The following PRKAG2 variants were observed in gnomAD, a reference collection of about 807,000 sequenced individuals.
PRKAG2 encodes 5'-AMP-activated protein kinase subunit gamma-2.
A neutral mutation model predicts 69.6 loss-of-function variants in PRKAG2; 26 were observed. The observed-to-expected ratio is 0.37, with a 90% CI of 0.27 to 0.52. PRKAG2 has a LOEUF of 0.52. Among genes scored for constraint, PRKAG2 ranks in the 20% least tolerant of loss-of-function variants. The pLI is 0.90. For missense variants in PRKAG2, 557 were observed against 740.0 expected, an observed-to-expected ratio of 0.75 and a Z score of 2.87; for synonymous variants, 293 against 285.0, an observed-to-expected ratio of 1.03 and a Z score of -0.28.
chr7:151,866,795 C>G (rs1043546751), intron 1 of PRKAG2, among the ~76,000 whole-genome samples: 1 of 152,096 alleles, frequency 6.6e-6, no homozygotes, highest in African/African-American at 2.4e-5. Context: ...CTGTGTGGAG[C>G]CTGCCTGCCT....
At chr7:151,853,560 C>T (rs2079631005) in intron 1 of PRKAG2, among the ~76,000 whole-genome samples, 1 of 151,968 alleles carries the variant, frequency 6.6e-6, no homozygotes, top group Admixed American at 6.6e-5. Flanking sequence ...AGATTGAGAC[C>T]ATCTTGGCTA....
intron 3 of PRKAG2, among the ~76,000 whole-genome samples, chr7:151,693,850 C>T (rs1332684476): frequency 6.6e-6 from 1 of 152,212 alleles, no homozygotes; most frequent in Non-Finnish European, 1.5e-5. Flanking sequence ...CTCTAGCCTC[C>T]AGAACTGTGA....
intron 1 of PRKAG2, among the ~76,000 whole-genome samples, chr7:151,842,090 T>C (rs201673035): frequency 6.0e-5 from 8 of 133,914 alleles, no homozygotes; most frequent in East Asian, 2.4e-4. Flanking sequence ...ATGATGGTAG[T>C]GATGGTAGGT....
intron 3 of PRKAG2, among the ~76,000 whole-genome samples, chr7:151,775,865 C>T (rs1436510176): frequency 6.6e-6 from 1 of 152,196 alleles, no homozygotes; most frequent in African/African-American, 2.4e-5. Context: ...TACTCACAGG[C>T]TCAATTTCAT....
rs1469413298 is a variant in PRKAG2, at chr7:151,777,857, T to C, written c.466+3295A>G. On this transcript the variant is annotated intron_variant, in intron 3 of 15. Coordinates refer to ENST00000287878, the MANE Select transcript of PRKAG2 (RefSeq NM_016203.4). This position sits in a 1 kb window ranked among gnomAD's most constrained non-coding sequence, Gnocchi z 4.3. The stretch of plus-strand genomic sequence containing the variant: ...GTGAGATGAATGAAAGACCACAGAT[T>C]AGGATTATGGGAGGGGCCTGAACCG... Among the ~76,000 whole-genome samples, 2 of 152,084 alleles carry C rather than the reference T, an allele frequency of 1.3e-5. No individual in the cohort carries two copies. Among genetic ancestry groups the C allele is most frequent in the East Asian group, 3.8e-4 (2 of 5,196 alleles).
At chr7:151,592,149 C>T (rs1045257985) in intron 6 of PRKAG2, among the ~76,000 whole-genome samples, 19 of 152,192 alleles carry the variant, frequency 1.2e-4, no homozygotes, top group Admixed American at 9.2e-4. Flanking sequence ...CACCCAGACT[C>T]GGGGGAGCTC....
At chr7:151,588,713 G>A (rs1056369602) in intron 6 of PRKAG2, among the ~76,000 whole-genome samples, 18 of 148,384 alleles carry the variant, frequency 1.2e-4, no homozygotes, top group African/African-American at 3.0e-4. Flanking sequence ...TCTGCTTGCC[G>A]CCATCCATAT....
rs1175263041 is a variant in PRKAG2, at chr7:151,863,859, G to A, written c.114+12648C>T. 6.0e-5 allele frequency among the ~76,000 whole-genome samples: 9 copies of A among 150,668 alleles called. No individual in the cohort carries two copies. The South Asian group carries it at 1.0e-3, about 18-fold the overall frequency. Reference sequence around the variant, plus strand: ...TCAGGAGTTCCAGGCAGCAGTGTTCGCACCACCGCACTCCAGCCTGGACTA... The same window carrying A: ...TCAGGAGTTCCAGGCAGCAGTGTTCACACCACCGCACTCCAGCCTGGACTA... On this transcript the variant is annotated intron_variant, in intron 1 of 15. Transcript: ENST00000287878.
At chr7:151,773,045 G>A (rs9691649) in intron 3 of PRKAG2, among the ~76,000 whole-genome samples, 13,494 of 47,176 alleles carry the variant, frequency 0.29, 2,241 homozygotes, top group East Asian at 0.34. Flanking sequence ...GAGAGAGAGA[G>A]AGAGAGAGGG....
At chr7:151,772,661 C>T (rs2076074761) in intron 3 of PRKAG2, among the ~76,000 whole-genome samples, 1 of 152,116 alleles carries the variant, frequency 6.6e-6, no homozygotes, top group African/African-American at 2.4e-5. Flanking sequence ...ACTTAAAACA[C>T]TTAAAGTTTA....
intron 5 of PRKAG2, among the ~76,000 whole-genome samples, chr7:151,597,819 A>AC (rs1814954130): frequency 2.7e-5 from 2 of 73,880 alleles, no homozygotes; most frequent in Non-Finnish European, 6.3e-5. Context: ...GACAAAAGGG[A>AC]GCCCCCCCCC....
At chr7:151,737,486 T>C (rs951324361) in intron 3 of PRKAG2, among the ~76,000 whole-genome samples, 4 of 152,194 alleles carry the variant, frequency 2.6e-5, no homozygotes, top group African/African-American at 9.7e-5. Context: ...ATTAGTAGCC[T>C]GGGTTCTTCT....
At chr7:151,649,357 C>T (rs902010959) in intron 4 of PRKAG2, among the ~76,000 whole-genome samples, 4 of 152,176 alleles carry the variant, frequency 2.6e-5, no homozygotes, top group Non-Finnish European at 5.9e-5. Flanking sequence ...AACTCCTGAT[C>T]TCAAGTGATC....
intron 3 of PRKAG2, among the ~76,000 whole-genome samples, chr7:151,703,229 G>A (rs1281551852): frequency 1.3e-5 from 2 of 152,206 alleles, no homozygotes; most frequent in Non-Finnish European, 2.9e-5. Flanking sequence ...CACCTTCTCC[G>A]TCACAGTGAA....
chr7:151,818,274 C>T (rs951997440), intron 1 of PRKAG2, among the ~76,000 whole-genome samples: 9 of 152,234 alleles, frequency 5.9e-5, no homozygotes, highest in Admixed American at 5.2e-4. Flanking sequence ...TGCATGAGCA[C>T]ACATGTGTAA....
intron 6 of PRKAG2, among the ~76,000 whole-genome samples, chr7:151,586,672 T>C (rs982530664): frequency 9.9e-5 from 15 of 152,232 alleles, no homozygotes; most frequent in African/African-American, 2.9e-4. Flanking sequence ...TTTTCCTTGA[T>C]AATGAACAAA....
chr7:151,725,043 C>T (rs1490917303), intron 3 of PRKAG2, among the ~76,000 whole-genome samples: 1 of 152,056 alleles, frequency 6.6e-6, no homozygotes, highest in East Asian at 1.9e-4. Context: ...GTACTCCTGC[C>T]CCTTCACGGG....
chr7:151,609,477 A>C (rs1241903249), intron 5 of PRKAG2, among the ~76,000 whole-genome samples: 3 of 152,184 alleles, frequency 2.0e-5, no homozygotes, highest in Non-Finnish European at 4.4e-5. Flanking sequence ...TATACACCTT[A>C]ATCAAACTAA....
intron 1 of PRKAG2, among the ~76,000 whole-genome samples, chr7:151,802,324 T>G (rs1458140176): frequency 1.3e-5 from 2 of 152,150 alleles, no homozygotes; most frequent in African/African-American, 4.8e-5. Flanking sequence ...CACCTCCCTC[T>G]GCTTGTGCAA....
Sources: allele counts gnomAD v4.1 joint callset (sites outside exome capture counted in the v4.1 genomes callset), GRCh38; gene constraint gnomAD v4.1.1; non-coding constraint Gnocchi (gnomAD v3.1); transcripts MANE v1.5; gene names NCBI Gene and HGNC (gene_info 2026-07-23, HGNC 2026-07-21).